MANBA: variants seen among roughly 807,000 people sequenced by gnomAD.
MANBA encodes mannosidase beta.
In MANBA, 83 loss-of-function variants were observed where a neutral mutation model predicts 111.1. That is an observed-to-expected ratio of 0.75 (90% CI 0.63 to 0.90). The LOEUF is 0.90. Ranked by LOEUF, MANBA falls within the 40% of genes least tolerant of loss-of-function variation. The pLI, the probability that MANBA is intolerant of heterozygous loss-of-function variation, is 0.00. For missense variants in MANBA, 1,036 were observed against 1,069.0 expected, an observed-to-expected ratio of 0.97 and a Z score of 0.43; for synonymous variants, 370 against 378.7, an observed-to-expected ratio of 0.98 and a Z score of 0.27.
chr4:102,746,980 A>T (rs1202313299), intron 1 of MANBA, among the ~76,000 whole-genome samples: 2 of 151,724 alleles, frequency 1.3e-5, no homozygotes, highest in African/African-American at 4.8e-5. Flanking sequence ...TCAAAAAAAA[A>T]AAAAAAAGAA....
At chr4:102,753,981 C>T (rs568932571) in intron 1 of MANBA, 13 of 360,832 alleles carry the variant, frequency 3.6e-5, no homozygotes, top group South Asian at 9.2e-5. Context: ...CCAACCTGGG[C>T]GACAGAGTGA....
chr4:102,752,830 TA>T (rs1229305107), intron 1 of MANBA, among the ~76,000 whole-genome samples: 1 of 152,190 alleles, frequency 6.6e-6, no homozygotes, highest in Non-Finnish European at 1.5e-5. Flanking sequence ...GTTTATAAAA[TA>T]AAAAGAATGA....
intron 16 of MANBA, among the ~76,000 whole-genome samples, chr4:102,634,304 ACT>A (rs1276134852): frequency 2.6e-5 from 4 of 152,260 alleles, no homozygotes; most frequent in Non-Finnish European, 4.4e-5. Context: ...ATATTAATAG[ACT>A]CTACTTAAAA....
intron 1 of MANBA, among the ~76,000 whole-genome samples, chr4:102,749,750 G>A (rs1489145895): frequency 6.6e-6 from 1 of 152,104 alleles, no homozygotes; most frequent in Non-Finnish European, 1.5e-5. Context: ...CACATGAAAG[G>A]GCCAAGAAAA....
intron 13 of MANBA, 126 bp from the exon 14 acceptor site, chr4:102,639,983 G>A: frequency 2.0e-6 from 2 of 976,922 alleles, no homozygotes; most frequent in Non-Finnish European, 3.2e-6. Context: ...ATAAAATTAG[G>A]GAATTTAATT....
intron 9 of MANBA, among the ~76,000 whole-genome samples, chr4:102,669,677 T>A (rs1399756954): frequency 6.6e-6 from 1 of 151,884 alleles, no homozygotes; most frequent in Non-Finnish European, 1.5e-5. Flanking sequence ...AAACCCGGTC[T>A]CTACTAGAAA....
At chr4:102,716,223 C>T (rs984625933) in intron 4 of MANBA, among the ~76,000 whole-genome samples, 1 of 145,518 alleles carries the variant, frequency 6.9e-6, no homozygotes, top group African/African-American at 2.6e-5. Context: ...GCAGGAGAAT[C>T]GCTTGAACCC....
rs1423100838 is a variant in MANBA, at chr4:102,657,884, GGAC to G, written c.1499_1501del (p.Arg500del). On this transcript the variant is annotated inframe_deletion, in exon 12 of 17. Coordinates refer to ENST00000647097, the MANE Select transcript of MANBA (RefSeq NM_005908.4). ...ATTTGTAGGACTGGACGTAATAAAA[GGAC>G]GACTCTTGTCTCCCTGAGTTCAGAA... 1.6e-5 allele frequency: 26 copies of G among 1,611,254 alleles called. No homozygotes were observed. The highest frequency in any genetic ancestry group is 2.2e-5 in the Non-Finnish European group (26 of 1,177,528).
At chr4:102,666,010 T>G (rs1445183776) in intron 10 of MANBA, 1 of 152,244 alleles carries the variant, frequency 6.6e-6, no homozygotes, top group African/African-American at 2.4e-5. Context: ...ACTATTTCCT[T>G]TTTTTGTCTT....
In MANBA at chr4:102,714,566, A is replaced by G; in HGVS notation, c.550-5T>C. ...CCAACTAAAGGAACATTGCTCCTGC[A>G]ATTTCAAGGAGAAAAAGAAGATATA... On this transcript the variant is annotated splice_polypyrimidine_tract_variant and splice_region_variant and intron_variant, in intron 4 of 16. Coordinates refer to ENST00000647097, the MANE Select transcript of MANBA (RefSeq NM_005908.4). The G allele has an allele frequency of 6.2e-7, 1 of 1,606,656 alleles. No individual in the cohort carries two copies.
intron 1 of MANBA, among the ~76,000 whole-genome samples, chr4:102,755,824 G>C (rs1436348912): frequency 6.6e-6 from 1 of 152,190 alleles, no homozygotes; most frequent in Non-Finnish European, 1.5e-5. Flanking sequence ...GATATGAACA[G>C]ACACTTCTCA....
At chr4:102,735,521 CA>C (rs35650118) in intron 1 of MANBA, among the ~76,000 whole-genome samples, 44,131 of 113,098 alleles carry the variant, frequency 0.39, 8,048 homozygotes, top group African/African-American at 0.57. Flanking sequence ...GAGAAAATAC[CA>C]AAAAAAAAAA....
Position 102,664,623 on chromosome 4 carries a change from C to A in MANBA, c.1485+62G>T. 5 of 1,447,466 alleles carry A rather than the reference C, an allele frequency of 3.5e-6. No homozygotes were observed. In the South Asian group the frequency reaches 5.7e-5, roughly 17 times the overall value. 89.7% of individuals were successfully genotyped at this position (1,447,466 alleles called of 1,614,324 possible). On this transcript the variant is annotated intron_variant, in intron 11 of 16. Coordinates refer to ENST00000647097, the MANE Select transcript of MANBA (RefSeq NM_005908.4). ...AAAGTGCTGGGATTACAGGCGTGAG[C>A]CACCACGCCCAGCCCTAAAGATACA...
At chr4:102,711,673 A>T (rs767686132) in intron 5 of MANBA, among the ~76,000 whole-genome samples, 1 of 152,218 alleles carries the variant, frequency 6.6e-6, no homozygotes, top group Non-Finnish European at 1.5e-5. Flanking sequence ...TTACTGCAGC[A>T]CTATTCACAA....
intron 1 of MANBA, among the ~76,000 whole-genome samples, chr4:102,735,139 C>T (rs535663894): frequency 4.6e-5 from 7 of 152,244 alleles, no homozygotes; most frequent in East Asian, 3.9e-4. Flanking sequence ...CCACTAGCTG[C>T]GACAGCCAGG....
chr4:102,663,835 C>CT (rs895400818), intron 11 of MANBA, among the ~76,000 whole-genome samples: 1 of 152,054 alleles, frequency 6.6e-6, no homozygotes, highest in African/African-American at 2.4e-5. Flanking sequence ...AAAAATGCTG[C>CT]TTTTTCTCAC....
Position 102,664,714 on chromosome 4 carries a change from CAT to C in MANBA, c.1454_1455del (p.Tyr485CysfsTer27), listed in dbSNP as rs1188116333. ...PIYIKDYVTLYVKNIRELVLA... is the reference protein window; with the variant it reads ...PIYIKDYVTLXVKNIRELVLA... ...AGTACGAGCTCTCTGATGTTTTTCA[CAT>C]AGAGTGTCACATAGTCCTTGATGTA... On this transcript the variant is annotated frameshift_variant, in exon 11 of 17. Transcript: ENST00000647097. LOFTEE classifies it high-confidence loss of function. 1.5e-5 allele frequency: 24 copies of C among 1,613,400 alleles called. No homozygotes were observed. Among genetic ancestry groups the C allele is most frequent in the East Asian group, 2.2e-5 (1 of 44,882 alleles).
At chr4:102,727,069 G>T (rs1336807786) in intron 1 of MANBA, among the ~76,000 whole-genome samples, 2 of 152,184 alleles carry the variant, frequency 1.3e-5, no homozygotes, top group Non-Finnish European at 2.9e-5. Context: ...GAGCCATCAT[G>T]TCCGGCCTAC....
intron 5 of MANBA, among the ~76,000 whole-genome samples, chr4:102,696,742 C>A (rs551645123): frequency 6.6e-6 from 1 of 152,122 alleles, no homozygotes; most frequent in Admixed American, 6.6e-5. Flanking sequence ...CACAGCTCCC[C>A]CTTTTGCAGG....
Sources: allele counts gnomAD v4.1 joint callset (sites outside exome capture counted in the v4.1 genomes callset), GRCh38; gene constraint gnomAD v4.1.1; transcripts MANE v1.5; gene names NCBI Gene and HGNC (gene_info 2026-07-23, HGNC 2026-07-21).